Variants in AADACL4 observed in about 807,000 individuals in gnomAD.
AADACL4 encodes the protein arylacetamide deacetylase-like 4.
AADACL4 carries 9 observed loss-of-function variants against 14.1 expected under a neutral mutation model. That is an observed-to-expected ratio of 0.64 (90% CI 0.39 to 1.12). The LOEUF (loss-of-function observed/expected upper bound fraction) is 1.12, where lower values mean the gene tolerates loss of function less well. AADACL4 is among the 50% of genes most tolerant of loss of function. AADACL4 has a pLI of 0.01. For missense variants in AADACL4, 531 were observed against 516.1 expected (o/e 1.03, Z -0.28); for synonymous variants, 188 against 201.6 (o/e 0.93, Z 0.57).
In AADACL4 at chr1:12,649,610, C is replaced by T. The variant is rs1026014375; in HGVS notation, c.169-1513C>T. On this transcript the variant is annotated intron_variant, in intron 1 of 3. Transcript: ENST00000376221. Reference sequence around the variant, plus strand: ...TAGGAGGACCTCTTCATGGAGGGAACCGATTGGGGTAGTCCGTGCAACCTC... The same window carrying T: ...TAGGAGGACCTCTTCATGGAGGGAATCGATTGGGGTAGTCCGTGCAACCTC... 2.6e-5 allele frequency among the ~76,000 whole-genome samples: 4 copies of T among 152,104 alleles called. No homozygotes were observed. The South Asian group carries it at 8.3e-4, about 32-fold the overall frequency.
At chr1:12,659,526 T>TA (rs1236517302) in intron 2 of AADACL4, among the ~76,000 whole-genome samples, 1 of 152,112 alleles carries the variant, frequency 6.6e-6, no homozygotes, top group Non-Finnish European at 1.5e-5. Context: ...ATGCAATGTT[T>TA]AAAAAAACAA....
rs912608274 is a variant in AADACL4 at position 12,667,003 on chromosome 1, G to A, written c.*268G>A. The stretch of plus-strand genomic sequence containing the variant: ...TTAGGTGAAATAAATATCAAAAGGA[G>A]AAAAAAATGCCTTTAAAAATTTCTC... On this transcript the variant is annotated 3_prime_UTR_variant, in exon 4 of 4. Transcript: ENST00000376221. 2.2e-6 allele frequency: 1 copy of A among 462,596 alleles called. No individual in the cohort carries two copies. Among genetic ancestry groups the A allele is most frequent in the Middle Eastern group, 5.6e-4 (1 of 1,788 alleles). The allele number at this position is 462,596 out of a possible 1,614,324, so 28.7% of individuals were successfully genotyped here. A position where few individuals can be genotyped will look rare whatever the true frequency, so the allele number is the denominator to read the frequency against.
chr1:12,655,588 A>G (rs1346818662), intron 2 of AADACL4, among the ~76,000 whole-genome samples: 1 of 151,850 alleles, frequency 6.6e-6, no homozygotes, highest in Non-Finnish European at 1.5e-5. Flanking sequence ...CATTGCCTGC[A>G]GGTTTGCTGT....
chr1:12,664,909 A>T (rs1225107171), intron 3 of AADACL4, among the ~76,000 whole-genome samples: 1 of 152,154 alleles, frequency 6.6e-6, no homozygotes, highest in African/African-American at 2.4e-5. Flanking sequence ...TTGAGGGGAC[A>T]TACTTCGGAA....
intron 1 of AADACL4, among the ~76,000 whole-genome samples, chr1:12,648,114 G>C (rs925638865): frequency 3.9e-5 from 6 of 152,040 alleles, no homozygotes; most frequent in African/African-American, 1.4e-4. Context: ...GGGACTACAG[G>C]TGCGTGCCAC....
chr1:12,646,265 A>G (rs778071394), intron 1 of AADACL4, among the ~76,000 whole-genome samples: 13 of 151,990 alleles, frequency 8.6e-5, no homozygotes, highest in Non-Finnish European at 1.6e-4. Flanking sequence ...TCTGTCACTC[A>G]CTCGCTGTGC....
rs748892934 is a variant in AADACL4 at position 12,666,626 on chromosome 1, T to A, written c.1115T>A (p.Leu372Gln). 3.7e-6 allele frequency: 6 copies of A among 1,614,234 alleles called. No individual in the cohort carries two copies. The highest frequency in any genetic ancestry group is 3.4e-6 in the Non-Finnish European group (4 of 1,180,050). ...DQGVRVTWYH[L>Q]YDGFHGSIIF... The stretch of plus-strand genomic sequence containing the variant: ...GGGGTCCGCGTGACATGGTACCACC[T>A]GTATGATGGTTTTCACGGATCCATT... Residue 372 changes from leucine to glutamine, a missense_variant, in exon 4 of 4, where the codon CTG becomes CAG. Transcript: ENST00000376221.
chr1:12,656,279 G>C (rs1647178497), intron 2 of AADACL4, among the ~76,000 whole-genome samples: 1 of 152,182 alleles, frequency 6.6e-6, no homozygotes, highest in African/African-American at 2.4e-5. Flanking sequence ...AGGCATCCCA[G>C]TTCCCTTGGC....
intron 3 of AADACL4, among the ~76,000 whole-genome samples, chr1:12,664,818 C>G (rs1222075353): frequency 1.3e-5 from 2 of 152,146 alleles, no homozygotes; most frequent in Non-Finnish European, 2.9e-5. Context: ...ATCTTAATCT[C>G]AATTTATGCA....
intron 2 of AADACL4, among the ~76,000 whole-genome samples, chr1:12,658,033 T>TTTCC (rs143888091): frequency 0.064 from 9,424 of 147,678 alleles, 383 homozygotes; most frequent in East Asian, 0.11. Flanking sequence ...TTTCTCTTTC[T>TTTCC]TTCCTTCCTT....
At chr1:12,658,309 A>G (rs1429367467) in intron 2 of AADACL4, among the ~76,000 whole-genome samples, 1 of 149,406 alleles carries the variant, frequency 6.7e-6, no homozygotes, top group Admixed American at 6.7e-5. Flanking sequence ...CCCAGGCTGG[A>G]GCACAGTTGC....
chr1:12,658,952 T>A (rs1452363498), intron 2 of AADACL4, among the ~76,000 whole-genome samples: 4 of 152,224 alleles, frequency 2.6e-5, no homozygotes, highest in Non-Finnish European at 5.9e-5. Flanking sequence ...CAGTGCCTGT[T>A]GTTTTCATTT....
chr1:12,657,808 G>T (rs1186772953), intron 2 of AADACL4, among the ~76,000 whole-genome samples: 1 of 152,160 alleles, frequency 6.6e-6, no homozygotes, highest in East Asian at 1.9e-4. Context: ...TGATGACATA[G>T]AAGGAGGTCC....
intron 2 of AADACL4, among the ~76,000 whole-genome samples, chr1:12,653,561 C>A (rs1257837134): frequency 6.6e-6 from 1 of 152,216 alleles, no homozygotes; most frequent in East Asian, 1.9e-4. Context: ...TGGTTTATTA[C>A]CGCACAAACC....
At chr1:12,662,927 G>A (rs1268749495) in intron 3 of AADACL4, among the ~76,000 whole-genome samples, 2 of 152,176 alleles carry the variant, frequency 1.3e-5, no homozygotes, top group Non-Finnish European at 2.9e-5. Flanking sequence ...CCCTTGAACA[G>A]GTAGCACATA....
At chr1:12,659,723 G>A (rs1472950798) in intron 2 of AADACL4, among the ~76,000 whole-genome samples, 1 of 152,128 alleles carries the variant, frequency 6.6e-6, no homozygotes, top group Non-Finnish European at 1.5e-5. Flanking sequence ...GCTCACTGCA[G>A]CTTCCAACTC....
At chr1:12,662,151 A>G (rs535788826) in intron 3 of AADACL4, among the ~76,000 whole-genome samples, 1 of 152,364 alleles carries the variant, frequency 6.6e-6, no homozygotes, top group South Asian at 2.1e-4. Flanking sequence ...AAGGTGTACC[A>G]TGTTGCAAAT....
At chr1:12,658,167 T>TCTTCC (rs1461906135) in intron 2 of AADACL4, among the ~76,000 whole-genome samples, 2 of 113,642 alleles carry the variant, frequency 1.8e-5, no homozygotes, top group African/African-American at 1.3e-4. Flanking sequence ...TTTCTTTCTT[T>TCTTCC]TTCTCTTTCT....
intron 2 of AADACL4, among the ~76,000 whole-genome samples, chr1:12,654,835 T>C (rs1647171295): frequency 6.6e-6 from 1 of 151,968 alleles, no homozygotes; most frequent in African/African-American, 2.4e-5. Flanking sequence ...TGATCATTCA[T>C]GGGCAAGACG....
Sources: allele counts gnomAD v4.1 joint callset (sites outside exome capture counted in the v4.1 genomes callset), GRCh38; gene constraint gnomAD v4.1.1; transcripts MANE v1.5; gene names NCBI Gene and HGNC (gene_info 2026-07-23, HGNC 2026-07-21).